The following LRRC7 variants were observed in gnomAD, a reference collection of about 807,000 sequenced individuals.
The protein encoded by LRRC7 is leucine-rich repeat-containing protein 7.
Under a neutral mutation model 175.7 loss-of-function variants are expected in LRRC7, and 23 were observed. That is an observed-to-expected ratio of 0.13 (90% confidence interval 0.09 to 0.19). The LOEUF (loss-of-function observed/expected upper bound fraction) is 0.19. Ranked by LOEUF, LRRC7 falls within the 10% of genes least tolerant of loss-of-function variation. The pLI, the probability that LRRC7 is intolerant of heterozygous loss-of-function variation, is 1.00. For synonymous variants in LRRC7, 685 were observed against 680.9 expected, an observed-to-expected ratio of 1.01 and a Z score of -0.09; for missense variants, 1,354 against 1,904.7, an observed-to-expected ratio of 0.71 and a Z score of 5.38.
chr1:69,955,539 T>A (rs1372845563), intron 8 of LRRC7, among the ~76,000 whole-genome samples: 1 of 151,898 alleles, frequency 6.6e-6, no homozygotes, highest in Non-Finnish European at 1.5e-5. Context: ...TGAAAGTGTG[T>A]AAAGACAACT....
chr1:69,633,481 T>C (rs1652834726), intron 1 of LRRC7, among the ~76,000 whole-genome samples: 1 of 152,172 alleles, frequency 6.6e-6, no homozygotes, highest in Non-Finnish European at 1.5e-5. Context: ...CAGGCTGGAA[T>C]GCAGTGGTGC....
intron 7 of LRRC7, among the ~76,000 whole-genome samples, chr1:69,895,209 G>A (rs1179180473): frequency 6.6e-6 from 1 of 152,098 alleles, no homozygotes; most frequent in Non-Finnish European, 1.5e-5. Context: ...TCCAGCCTGG[G>A]CAACAAGAGT....
intron 22 of LRRC7, among the ~76,000 whole-genome samples, chr1:70,046,890 C>T (rs188433946): frequency 5.8e-4 from 89 of 152,244 alleles, no homozygotes; most frequent in African/African-American, 2.0e-3. Context: ...AATTATTCCT[C>T]CTGGGCGCCA....
chr1:69,841,979 A>G lies in LRRC7; in HGVS notation c.647+3696A>G, dbSNP rs532718080. Among the ~76,000 whole-genome samples, 6 of 152,282 alleles carry G rather than the reference A, an allele frequency of 3.9e-5. No individual in the cohort carries two copies. In the South Asian group the frequency reaches 1.2e-3, roughly 32 times the overall value. ...AGCTGATAGCCCAGACTTGGATTTT[A>G]TAAACCTACACACATTTTCTCTCTC... On this transcript the variant is annotated intron_variant, in intron 7 of 26. Coordinates refer to ENST00000651989, the MANE Select transcript of LRRC7 (RefSeq NM_001370785.2).
chr1:69,918,392 G>A (rs1164695468), intron 7 of LRRC7, among the ~76,000 whole-genome samples: 4 of 152,148 alleles, frequency 2.6e-5, no homozygotes, highest in Non-Finnish European at 5.9e-5. Flanking sequence ...AAAATACCAT[G>A]AGTTCTATTT....
At position 69,992,928 on chromosome 1, in the gene LRRC7, T is replaced by C. The variant is rs145957759; in HGVS notation, c.932-1633T>C. Among the ~76,000 whole-genome samples, 434 of 152,104 alleles carry C rather than the reference T, an allele frequency of 2.9e-3. 1 individual carries two copies. Among genetic ancestry groups the C allele is most frequent in the African/African-American group, 9.5e-3 (394 of 41,514 alleles). Reference sequence around the variant, plus strand: ...GTTTGCTCAGTCATCTGTAACCCACTCCCAAGCTTCTTGTGACCCGATTGA... The same window carrying C: ...GTTTGCTCAGTCATCTGTAACCCACCCCCAAGCTTCTTGTGACCCGATTGA... On this transcript the variant is annotated intron_variant, in intron 10 of 26. Coordinates refer to ENST00000651989, the MANE Select transcript of LRRC7 (RefSeq NM_001370785.2).
At chr1:69,682,475 C>A (rs1386018391) in intron 2 of LRRC7, among the ~76,000 whole-genome samples, 1 of 152,136 alleles carries the variant, frequency 6.6e-6, no homozygotes, top group Non-Finnish European at 1.5e-5. Context: ...GCTCATCTTA[C>A]TTGATTTTTT....
At chr1:69,909,814 G>A (rs1646463551) in intron 7 of LRRC7, among the ~76,000 whole-genome samples, 1 of 151,886 alleles carries the variant, frequency 6.6e-6, no homozygotes, top group Admixed American at 6.6e-5. Context: ...CTGAATGTTG[G>A]CCTGCCTTGC....
chr1:69,666,107 T>C (rs914222689), intron 1 of LRRC7, among the ~76,000 whole-genome samples: 2 of 152,134 alleles, frequency 1.3e-5, no homozygotes, highest in African/African-American at 4.8e-5. Flanking sequence ...CTTTATTGCA[T>C]TGATAGAATG....
chr1:70,050,952 A>G (rs778834134), intron 22 of LRRC7, among the ~76,000 whole-genome samples: 2 of 151,972 alleles, frequency 1.3e-5, no homozygotes, highest in African/African-American at 2.4e-5. Context: ...TAATTTTGCT[A>G]CCTAGTGAAA....
intron 3 of LRRC7, among the ~76,000 whole-genome samples, chr1:69,785,883 A>C (rs1170672840): frequency 6.6e-6 from 1 of 152,124 alleles, no homozygotes; most frequent in Non-Finnish European, 1.5e-5. Context: ...GGTTTCCCAA[A>C]ATTCCAAAAA....
At chr1:69,815,247 C>T (rs991241324) in intron 4 of LRRC7, among the ~76,000 whole-genome samples, 2 of 152,074 alleles carry the variant, frequency 1.3e-5, no homozygotes, top group Non-Finnish European at 2.9e-5. Flanking sequence ...GACAAACATC[C>T]TACAGAAGAT....
chr1:70,039,418 G>A lies in LRRC7; in HGVS notation c.3594G>A (p.Val1198=). The change falls in exon 21 of 27, where the codon GTG becomes GTA. Residue 1198 remains valine (V), a synonymous_variant. Coordinates refer to ENST00000651989, the MANE Select transcript of LRRC7 (RefSeq NM_001370785.2). ...TGGATCGCCAAAGCAGCGTTACAGT[G>A]ACTGAGTCCCAGTTCCTGAAAAGGA... ...GGLDRQSSVT[V]TESQFLKRNG... The A allele has an allele frequency of 1.2e-6, 2 of 1,614,102 alleles. No individual in the cohort carries two copies. The highest frequency in any genetic ancestry group is 1.7e-6 in the Non-Finnish European group (2 of 1,180,016).
intron 24 of LRRC7, among the ~76,000 whole-genome samples, chr1:70,080,777 T>C (rs1663147120): frequency 6.6e-6 from 1 of 152,214 alleles, no homozygotes; most frequent in African/African-American, 2.4e-5. Context: ...ATAAACCGTT[T>C]AGATTACTTA....
At chr1:69,694,896 T>A (rs1433894222) in intron 2 of LRRC7, among the ~76,000 whole-genome samples, 1 of 152,146 alleles carries the variant, frequency 6.6e-6, no homozygotes, top group Admixed American at 6.6e-5. Context: ...AAAATAAACT[T>A]ATTTTCTTTA....
chr1:69,814,759 G>A (rs1678383928), intron 4 of LRRC7, among the ~76,000 whole-genome samples: 1 of 151,968 alleles, frequency 6.6e-6, no homozygotes, highest in Non-Finnish European at 1.5e-5. Flanking sequence ...AAGAGCCACT[G>A]GTAACCTACT....
intron 1 of LRRC7, among the ~76,000 whole-genome samples, chr1:69,614,467 A>C (rs531674313): frequency 6.6e-6 from 1 of 152,072 alleles, no homozygotes; most frequent in African/African-American, 2.4e-5. Context: ...ACTGAATGCA[A>C]ATCAGCTGGG....
intron 8 of LRRC7, among the ~76,000 whole-genome samples, chr1:69,946,211 T>C (rs947251392): frequency 2.0e-5 from 3 of 152,176 alleles, no homozygotes; most frequent in Non-Finnish European, 2.9e-5. Flanking sequence ...CAAATACTTT[T>C]TCTGCATCTA....
intron 25 of LRRC7, among the ~76,000 whole-genome samples, chr1:70,096,993 T>C (rs780822037): frequency 1.3e-5 from 2 of 152,220 alleles, no homozygotes; most frequent in Non-Finnish European, 2.9e-5. Flanking sequence ...TATCCTCCTT[T>C]AAATACACTG....
Sources: gnomAD v4.1 joint callset for allele counts (sites outside exome capture counted in the v4.1 genomes callset) on GRCh38, gnomAD v4.1.1 for gene constraint, MANE v1.5 for transcripts, NCBI Gene and HGNC (gene_info 2026-07-23, HGNC 2026-07-21) for gene names.